The following AAAS variants were observed in gnomAD, a reference collection of about 807,000 sequenced individuals.
AAAS encodes the protein aladin.
In AAAS, 60 loss-of-function variants were observed where a neutral mutation model predicts 75.6. The observed-to-expected ratio is 0.79, with a 90% CI of 0.64 to 0.98. AAAS has a LOEUF of 0.98. AAAS is among the 50% of genes least tolerant of loss of function. AAAS has a pLI of 0.00. For synonymous variants in AAAS, 271 were observed against 265.0 expected (o/e 1.02, Z -0.22); for missense variants, 658 against 686.9 (o/e 0.96, Z 0.47).
At chr12:53,309,892 A>C in intron 7 of AAAS, 171 bp from the exon 8 acceptor site, 1 of 1,071,462 alleles carries the variant, frequency 9.3e-7, no homozygotes, top group Non-Finnish European at 1.4e-6. Context: ...AAAAACAGCG[A>C]AGGGGAAAAA....
chr12:53,310,463 G>A (rs910707473), intron 7 of AAAS, among the ~76,000 whole-genome samples: 5 of 152,120 alleles, frequency 3.3e-5, no homozygotes, highest in African/African-American at 1.2e-4. Flanking sequence ...GGGAGGCTGA[G>A]GCAGGAGAAT....
Position 53,308,674 on chromosome 12 carries a change from T to C in AAAS, c.1087+51A>G, listed in dbSNP as rs374551740. ...CCTCAGAGCTGCATCTTACCAAAGG[T>C]TGCTGCCTCCCTCTGACCACCCCAA... On this transcript the variant is annotated intron_variant, in intron 11 of 15. Transcript: ENST00000209873. 4 of 1,606,704 alleles carry C rather than the reference T, an allele frequency of 2.5e-6. No individual in the cohort carries two copies. The African/African-American group carries it at 4.0e-5, about 16-fold the overall frequency.
chr12:53,320,524 T>A (rs376293517), intron 2 of AAAS, 41 bp downstream of exon 2: 14 of 1,612,468 alleles, frequency 8.7e-6, no homozygotes, highest in Admixed American at 1.7e-5. Context: ...TTTTCCAGGA[T>A]CTGCAGACTG....
Position 53,308,433 on chromosome 12 carries a change from ACCTCT to A in AAAS, c.1178_1181+1del. 4 of 1,613,944 alleles carry A rather than the reference ACCTCT, an allele frequency of 2.5e-6. No individual in the cohort carries two copies. The highest frequency in any genetic ancestry group is 2.5e-6 in the Non-Finnish European group (3 of 1,179,978). ...TGCCACTCCCTCAACCACTCAGCTC[ACCTCT>A]CCTCACCATCTGGTGTCTGTATTGT... On this transcript the variant is annotated splice_donor_variant and coding_sequence_variant, in exon 12 of 16. Coordinates refer to ENST00000209873, the MANE Select transcript of AAAS (RefSeq NM_015665.6). LOFTEE classifies it high-confidence loss of function.
At position 53,314,312 on chromosome 12, in the gene AAAS, G is replaced by A. The variant is rs756720428; in HGVS notation, c.675C>T (p.Thr225=). 1 of 1,614,200 alleles carries A rather than the reference G, an allele frequency of 6.2e-7. No individual in the cohort carries two copies. Among genetic ancestry groups the A allele is most frequent in the Admixed American group, 1.7e-5 (1 of 60,018 alleles). The change falls in exon 7 of 16, where the codon ACC becomes ACT. Residue 225 remains threonine, a synonymous_variant. Coordinates refer to ENST00000209873, the MANE Select transcript of AAAS (RefSeq NM_015665.6). ...SCILIWTLDP[T]SLSTRPSSGC... ...CTAGGACTTACCGGGTAGACAAGGAGGTAGGGTCCAGGGTCCAGATAAGAA... is the reference window on the plus strand; with the variant it reads ...CTAGGACTTACCGGGTAGACAAGGAAGTAGGGTCCAGGGTCCAGATAAGAA...
At position 53,314,074 on chromosome 12, in the gene AAAS, G is replaced by A. The variant is rs572158338; in HGVS notation, c.689+224C>T. Among the ~76,000 whole-genome samples the A allele has an allele frequency of 2.7e-4, 41 of 151,952 alleles. 1 individual carries two copies. Among genetic ancestry groups the A allele is most frequent in the Admixed American group, 2.3e-3 (35 of 15,256 alleles). Reference sequence around the variant, plus strand: ...TCCTCTGAAAGAGTCTTTCCACCCCGTAACCCACAGACACATTGTCCCCAC... The same window carrying A: ...TCCTCTGAAAGAGTCTTTCCACCCCATAACCCACAGACACATTGTCCCCAC... On this transcript the variant is annotated intron_variant, in intron 7 of 15. Coordinates refer to ENST00000209873, the MANE Select transcript of AAAS (RefSeq NM_015665.6).
At position 53,308,835 on chromosome 12, in the gene AAAS, G is replaced by A; in HGVS notation, c.997-20C>T. 1.2e-6 allele frequency: 2 copies of A among 1,613,886 alleles called. No homozygotes were observed. The highest frequency in any genetic ancestry group is 8.5e-7 in the Non-Finnish European group (1 of 1,179,976). On this transcript the variant is annotated intron_variant, in intron 10 of 15. Coordinates refer to ENST00000209873, the MANE Select transcript of AAAS (RefSeq NM_015665.6). ...GCCAGTCTGGGGTCAGGGAGCAAAA[G>A]GCAGGAGAAGGTATGTCTATAGTAG...
At chr12:53,311,767 T>C (rs1944392310) in intron 7 of AAAS, among the ~76,000 whole-genome samples, 1 of 151,482 alleles carries the variant, frequency 6.6e-6, no homozygotes, top group African/African-American at 2.4e-5. Flanking sequence ...AATAAAAAAT[T>C]AGCCGGTGTG....
intron 2 of AAAS, among the ~76,000 whole-genome samples, chr12:53,318,432 C>T (rs1214185187): frequency 3.9e-5 from 6 of 152,026 alleles, no homozygotes; most frequent in Admixed American, 3.3e-4. Context: ...AGGCTGGTCT[C>T]GAACTCCTGA....
chr12:53,308,394 C>G (rs554760651), intron 12 of AAAS, 41 bp downstream of exon 12: 1 of 1,614,076 alleles, frequency 6.2e-7, no homozygotes, highest in Non-Finnish European at 8.5e-7. Flanking sequence ...TGGTCCCTCC[C>G]ACCTGCTTTT....
At position 53,307,600 on chromosome 12, in the gene AAAS, G is replaced by A. The variant is rs554699080; in HGVS notation, c.1530C>T (p.Gly510=). ...TAAAGAGGGGCAGGTCATGAATAGA[G>A]CCTCCACCCCCAGCAGGGGGTTCCT... ...RAQEPPAGGG[G]SIHDLPLFTE... The change falls in exon 16 of 16, where the codon GGC becomes GGT. Residue 510 remains glycine, a synonymous_variant. Coordinates refer to ENST00000209873, the MANE Select transcript of AAAS (RefSeq NM_015665.6). The A allele has an allele frequency of 6.2e-7, 1 of 1,614,178 alleles. No individual in the cohort carries two copies. The highest frequency in any genetic ancestry group is 1.1e-5 in the South Asian group (1 of 91,084).
intron 2 of AAAS, among the ~76,000 whole-genome samples, chr12:53,319,802 C>CAAAA (rs11339214): frequency 1.0e-4 from 2 of 19,604 alleles, no homozygotes; most frequent in African/African-American, 3.3e-4. Context: ...GACTCCGTCT[C>CAAAA]AAAAAAAAAA....
Position 53,321,497 on chromosome 12 carries a change from A to C in AAAS, c.-32T>G. 1 of 1,613,334 alleles carries C rather than the reference A, an allele frequency of 6.2e-7. No individual in the cohort carries two copies. Among genetic ancestry groups the C allele is most frequent in the Non-Finnish European group, 8.5e-7 (1 of 1,179,876 alleles). Reference sequence around the variant, plus strand: ...GGTTCGCAGGACGTCTGCAGTCGGCAAACTCCTGGCCGGAACGGCACAGAC... The same window carrying C: ...GGTTCGCAGGACGTCTGCAGTCGGCCAACTCCTGGCCGGAACGGCACAGAC... On this transcript the variant is annotated 5_prime_UTR_variant, in exon 1 of 16. Transcript: ENST00000209873.
intron 7 of AAAS, among the ~76,000 whole-genome samples, chr12:53,310,760 G>C (rs1009387491): frequency 1.3e-5 from 2 of 152,184 alleles, no homozygotes; most frequent in Non-Finnish European, 2.9e-5. Flanking sequence ...TGAAGTCTTA[G>C]TCATGGATGT....
intron 2 of AAAS, among the ~76,000 whole-genome samples, chr12:53,318,870 A>G (rs1033402104): frequency 5.9e-5 from 9 of 152,348 alleles, no homozygotes; most frequent in Middle Eastern, 3.4e-3. Context: ...AGGAGCCACC[A>G]AAAACCCTGA....
At chr12:53,318,223 A>AGAGTGTGTGT (rs1555191414) in intron 2 of AAAS, among the ~76,000 whole-genome samples, 6 of 136,910 alleles carry the variant, frequency 4.4e-5, no homozygotes, top group Admixed American at 3.0e-4. Context: ...ATGGGGTTTC[A>AGAGTGTGTGT]GTGTGTGTGT....
Position 53,314,400 on chromosome 12 carries a change from A to C in AAAS, c.587T>G (p.Val196Gly). The C allele has an allele frequency of 6.2e-7, 1 of 1,614,198 alleles. No individual in the cohort carries two copies. The highest frequency in any genetic ancestry group is 1.1e-5 in the South Asian group (1 of 91,078). Reference protein sequence around the residue: ...PSLKHRLQRNVASLAWKPLSA... With the variant: ...PSLKHRLQRNGASLAWKPLSA... ...AAGGGGCTTCCAGGCCAGAGACGCC[A>C]CATTTCGCTGCAGCCGGTGCTTCAG... Residue 196 changes from valine to glycine, a missense_variant, in exon 7 of 16, where the codon GTG (valine) becomes GGG (glycine). Physicochemically the swap from Val to Gly is moderately radical, Grantham distance 109. Transcript: ENST00000209873.
At position 53,320,697 on chromosome 12, in the gene AAAS, A is replaced by G. The variant is rs1304183175; in HGVS notation, c.124-5T>C. On this transcript the variant is annotated splice_polypyrimidine_tract_variant and splice_region_variant and intron_variant, in intron 1 of 15. Coordinates refer to ENST00000209873, the MANE Select transcript of AAAS (RefSeq NM_015665.6). ...TAGGACAGGAAGATTGATCCACTAT[A>G]GCACAAAAGTGAGGAGTGTGACGGT... is the stretch of plus-strand genomic sequence containing the variant. The G allele has an allele frequency of 1.2e-6, 2 of 1,613,944 alleles. No individual in the cohort carries two copies. Among genetic ancestry groups the G allele is most frequent in the Non-Finnish European group, 1.7e-6 (2 of 1,179,962 alleles).
intron 7 of AAAS, among the ~76,000 whole-genome samples, chr12:53,313,736 G>T (rs1352297940): frequency 6.6e-6 from 1 of 151,470 alleles, no homozygotes; most frequent in Non-Finnish European, 1.5e-5. Flanking sequence ...AGCTTCCCGA[G>T]TAGCTGGGAC....
Sources: gnomAD v4.1 joint callset for allele counts (sites outside exome capture counted in the v4.1 genomes callset) on GRCh38, gnomAD v4.1.1 for gene constraint, MANE v1.5 for transcripts, NCBI Gene and HGNC (gene_info 2026-07-23, HGNC 2026-07-21) for gene names.